Variants in HELQ observed in about 807,000 individuals in gnomAD.
HELQ encodes helicase POLQ-like.
In HELQ, 77 loss-of-function variants were observed where a neutral mutation model predicts 111.6. The ratio of observed to expected loss-of-function variants is 0.69; its 90% CI spans 0.57 to 0.83. HELQ has a LOEUF of 0.83. HELQ is among the 40% of genes least tolerant of loss of function. The pLI is 0.00. For synonymous variants in HELQ, 438 were observed against 454.7 expected (o/e 0.96, Z 0.47); for missense variants, 1,200 against 1,288.5 (o/e 0.93, Z 1.05).
intron 3 of HELQ, 62 bp downstream of exon 3, chr4:83,448,721 C>A (rs1216898352): frequency 4.7e-6 from 6 of 1,285,156 alleles, no homozygotes; most frequent in Non-Finnish European, 6.6e-6. Flanking sequence ...ATCACATTTA[C>A]AGATCTTAAC....
chr4:83,455,210 T>A, intron 1 of HELQ, 187 bp downstream of exon 1: 1 of 1,268,026 alleles, frequency 7.9e-7, no homozygotes, highest in Non-Finnish European at 1.1e-6. Context: ...ACAACTTTTA[T>A]GTCTCGGGGT....
chr4:83,417,364 G>C (rs1337992364), intron 16 of HELQ, among the ~76,000 whole-genome samples: 1 of 151,978 alleles, frequency 6.6e-6, no homozygotes, highest in East Asian at 1.9e-4. Flanking sequence ...CACCATACTT[G>C]GCTAATTTTT....
intron 3 of HELQ, among the ~76,000 whole-genome samples, chr4:83,448,117 G>A (rs1193561845): frequency 4.6e-5 from 7 of 151,016 alleles, no homozygotes; most frequent in Admixed American, 4.6e-4. Flanking sequence ...AGCTGAGGCA[G>A]GAGAATCACT....
At chr4:83,441,432 T>C in intron 6 of HELQ, 29 bp from the exon 7 acceptor site, 1 of 999,478 alleles carries the variant, frequency 1.0e-6, no homozygotes, top group Non-Finnish European at 1.6e-6. Context: ...TTGCAATTAA[T>C]ACGACATATA....
intron 7 of HELQ, among the ~76,000 whole-genome samples, chr4:83,440,433 A>G (rs1397200209): frequency 6.6e-6 from 1 of 152,214 alleles, no homozygotes; most frequent in Non-Finnish European, 1.5e-5. Context: ...TAAGTTTTCA[A>G]AAACACAGAT....
intron 17 of HELQ, among the ~76,000 whole-genome samples, chr4:83,408,362 A>ATTCTC (rs1738903549): frequency 6.6e-6 from 1 of 151,928 alleles, no homozygotes; most frequent in South Asian, 2.1e-4. Context: ...AGTGATTCAG[A>ATTCTC]AGGCCTCAGC....
rs180755949 is a variant in HELQ at position 83,410,960 on chromosome 4, G to A, written c.3199-3400C>T. On this transcript the variant is annotated intron_variant, in intron 17 of 17. Coordinates refer to ENST00000295488, the MANE Select transcript of HELQ (RefSeq NM_133636.5). ...GAGCCCAGGAGTTCGAGACCAAACC[G>A]GGCAACATGGAGAAACCCCATCTCT... 5.9e-3 allele frequency among the ~76,000 whole-genome samples: 889 copies of A among 150,908 alleles called. 12 individuals carry two copies. Among genetic ancestry groups the A allele is most frequent in the African/African-American group, 0.02 (832 of 41,098 alleles).
chr4:83,424,273 TG>T (rs1719723290), intron 14 of HELQ, among the ~76,000 whole-genome samples: 2 of 152,204 alleles, frequency 1.3e-5, no homozygotes, highest in Admixed American at 1.3e-4. Context: ...TTAATGATAT[TG>T]TTTTTATTTT....
At chr4:83,449,948 T>C (rs1049277647) in intron 2 of HELQ, among the ~76,000 whole-genome samples, 5 of 150,542 alleles carry the variant, frequency 3.3e-5, no homozygotes, top group Admixed American at 3.3e-4. Context: ...TGTACGGTTG[T>C]GAGAACATAA....
At chr4:83,454,232 A>C (rs1291497683) in intron 1 of HELQ, among the ~76,000 whole-genome samples, 2 of 151,856 alleles carry the variant, frequency 1.3e-5, no homozygotes, top group Non-Finnish European at 2.9e-5. Context: ...AACAAACAAA[A>C]CCCCCAAAAA....
chr4:83,436,714 T>C (rs1260248629), intron 9 of HELQ, 144 bp downstream of exon 9: 1 of 730,290 alleles, frequency 1.4e-6, no homozygotes, highest in African/African-American at 1.8e-5. Flanking sequence ...TTAAAGAAAA[T>C]AAACCAACCA....
At position 83,434,874 on chromosome 4, in the gene HELQ, C is replaced by T. The variant is rs950908953; in HGVS notation, c.2048+1984G>A. Among the ~76,000 whole-genome samples, 11 of 151,886 alleles carry T rather than the reference C, an allele frequency of 7.2e-5. No individual in the cohort carries two copies. The South Asian group carries it at 2.3e-3, about 32-fold the overall frequency. On this transcript the variant is annotated intron_variant, in intron 9 of 17. Transcript: ENST00000295488. ...AAAGCTGAATCTAAGAGGCCTCAAC[C>T]CTGCCTAAGTGAAATTATAAAAGCA... is the stretch of plus-strand genomic sequence containing the variant.
intron 14 of HELQ, among the ~76,000 whole-genome samples, chr4:83,422,547 G>A (rs1345139766): frequency 6.6e-6 from 1 of 152,164 alleles, no homozygotes; most frequent in African/African-American, 2.4e-5. Context: ...TGAGATTGGA[G>A]GGATGCATCT....
Position 83,441,421 on chromosome 4 carries a change from T to C in HELQ, c.1564-18A>G, listed in dbSNP as rs770500359. The C allele has an allele frequency of 9.4e-6, 11 of 1,165,850 alleles. No individual in the cohort carries two copies. The highest frequency in any genetic ancestry group is 2.0e-4 in the Middle Eastern group (1 of 4,976). 72.2% of individuals were successfully genotyped at this position (1,165,850 alleles called of 1,614,324 possible). On this transcript the variant is annotated intron_variant, in intron 6 of 17. Transcript: ENST00000295488. ...AACTCAACCTTGAATTAAAAGGACA[T>C]TTGCAATTAATACGACATATAAATT...
rs563878250 is a variant in HELQ at position 83,411,637 on chromosome 4, T to A, written c.3199-4077A>T. Among the ~76,000 whole-genome samples, 58 of 150,654 alleles carry A rather than the reference T, an allele frequency of 3.8e-4. No individual in the cohort carries two copies. In the South Asian group the frequency reaches 0.011, roughly 29 times the overall value. ...TAAATAAATAAATAAAATTAATTAA[T>A]TTAATTAAATTAAAAATAAAATAGA... is the stretch of plus-strand genomic sequence containing the variant. On this transcript the variant is annotated intron_variant, in intron 17 of 17. Transcript: ENST00000295488.
Position 83,448,910 on chromosome 4 carries a change from A to T in HELQ, c.1064T>A (p.Leu355Ter). ...TLNSVQERKN[L>*]IYSLPTSGGK... ...ACCACTTGTTGGCAAGGAATATATT[A>T]AATTTTTTCTTTCTTGCACAGAATT... Residue 355 changes from leucine to a stop codon, truncating the protein, a stop_gained, in exon 3 of 18, where the codon TTA (leucine) becomes TAA (stop). Coordinates refer to ENST00000295488, the MANE Select transcript of HELQ (RefSeq NM_133636.5). LOFTEE classifies it high-confidence loss of function. The T allele has an allele frequency of 1.9e-6, 3 of 1,612,428 alleles. No individual in the cohort carries two copies. The highest frequency in any genetic ancestry group is 2.5e-6 in the Non-Finnish European group (3 of 1,178,716).
chr4:83,437,046 C>T lies in HELQ; in HGVS notation c.1860G>A (p.Leu620=). The change falls in exon 9 of 18, where the codon TTG becomes TTA. Residue 620 remains leucine (L), a synonymous_variant. Coordinates refer to ENST00000295488, the MANE Select transcript of HELQ (RefSeq NM_133636.5). The part of the protein sequence containing the change: ...EKEKCEVIKN[L]KNIGNGNLCP... Reference sequence around the variant, plus strand: ...ACAGGTTGCCATTGCCAATATTCTTCAAGTTCTTAATCACCTCACATTTTT... The same window carrying T: ...ACAGGTTGCCATTGCCAATATTCTTTAAGTTCTTAATCACCTCACATTTTT... The T allele has an allele frequency of 6.2e-7, 1 of 1,613,770 alleles. No individual in the cohort carries two copies. Among genetic ancestry groups the T allele is most frequent in the Non-Finnish European group, 8.5e-7 (1 of 1,179,792 alleles).
intron 8 of HELQ, among the ~76,000 whole-genome samples, chr4:83,439,002 G>A (rs987570878): frequency 6.6e-6 from 1 of 151,932 alleles, no homozygotes; most frequent in Non-Finnish European, 1.5e-5. Context: ...TGCACCCAAG[G>A]TTTTGAATCA....
intron 2 of HELQ, among the ~76,000 whole-genome samples, chr4:83,450,942 C>T (rs974276901): frequency 4.6e-5 from 7 of 152,092 alleles, no homozygotes; most frequent in African/African-American, 1.4e-4. Context: ...GGTCGTATTC[C>T]TAGAGGTTCT....
Sources: gnomAD v4.1 joint callset for allele counts (sites outside exome capture counted in the v4.1 genomes callset) on GRCh38, gnomAD v4.1.1 for gene constraint, MANE v1.5 for transcripts, NCBI Gene and HGNC (gene_info 2026-07-23, HGNC 2026-07-21) for gene names.